NSD2: variants seen among roughly 807,000 people sequenced by gnomAD.
NSD2 encodes nuclear receptor binding SET domain protein 2.
In NSD2, 12 loss-of-function variants were observed where a neutral mutation model predicts 139.0. That is an observed-to-expected ratio of 0.09 (90% CI 0.06 to 0.14). The LOEUF (loss-of-function observed/expected upper bound fraction) is 0.14. NSD2 is among the 10% of genes least tolerant of loss of function. The pLI, the probability that NSD2 is intolerant of heterozygous loss-of-function variation, is 1.00. For synonymous variants in NSD2, 669 were observed against 648.7 expected (o/e 1.03, Z -0.48); for missense variants, 1,155 against 1,745.0 (o/e 0.66, Z 6.02).
At chr4:1,937,915 T>G (rs1017484831) in intron 7 of NSD2, among the ~76,000 whole-genome samples, 8 of 152,228 alleles carry the variant, frequency 5.3e-5, no homozygotes, top group Admixed American at 5.2e-4. Flanking sequence ...CTGATGATCT[T>G]TGTTCATTAG....
intron 21 of NSD2, among the ~76,000 whole-genome samples, chr4:1,977,169 C>T (rs1727174018): frequency 6.6e-6 from 1 of 152,228 alleles, no homozygotes; most frequent in Admixed American, 6.5e-5. Context: ...TGCTGTGCAC[C>T]AGGAGGCTCC....
At chr4:1,975,266 A>G in intron 19 of NSD2, 28 bp from the exon 20 acceptor site, 1 of 1,607,990 alleles carries the variant, frequency 6.2e-7, no homozygotes, top group Non-Finnish European at 8.5e-7. Flanking sequence ...GGTGTTTCCA[A>G]TTTGGTGTCT....
chr4:1,969,375 G>A (rs917496426), intron 18 of NSD2, among the ~76,000 whole-genome samples: 4 of 152,186 alleles, frequency 2.6e-5, no homozygotes, highest in Non-Finnish European at 5.9e-5. Flanking sequence ...CAAGAAATCC[G>A]ACTTCTTCAG....
intron 1 of NSD2, among the ~76,000 whole-genome samples, chr4:1,898,031 T>C (rs746594142): frequency 9.2e-5 from 14 of 152,144 alleles, no homozygotes; most frequent in Non-Finnish European, 1.6e-4. Flanking sequence ...CCCTCCTCCT[T>C]CTGGGTGGAA....
At chr4:1,912,735 A>AT (rs1718846370) in intron 3 of NSD2, among the ~76,000 whole-genome samples, 1 of 152,034 alleles carries the variant, frequency 6.6e-6, no homozygotes, top group Admixed American at 6.6e-5. Context: ...TTTGTAAAAA[A>AT]GTTGTTTTCT....
At chr4:1,957,047 C>T (rs928725218) in intron 15 of NSD2, among the ~76,000 whole-genome samples, 65 of 152,182 alleles carry the variant, frequency 4.3e-4, no homozygotes, top group Admixed American at 2.0e-4. Context: ...CTGCGACTGT[C>T]GGCAAAGTCT....
At position 1,938,441 on chromosome 4, in the gene NSD2, T is replaced by TA. The variant is rs747548214; in HGVS notation, c.1675-7dup. 50 of 1,091,128 alleles carry TA rather than the reference T, an allele frequency of 4.6e-5. No individual in the cohort carries two copies. Among genetic ancestry groups the TA allele is most frequent in the East Asian group, 5.4e-5 (2 of 36,902 alleles). The allele number at this position is 1,091,128 out of a possible 1,614,324, so 67.6% of individuals were successfully genotyped here. ...CTTTTTTTTTTTTTTTTTTTTTTTT[T>TA]AAATAATAGAGAGACACAATCACTG... On this transcript the variant is annotated splice_polypyrimidine_tract_variant and intron_variant, in intron 7 of 21. Coordinates refer to ENST00000508803, the MANE Select transcript of NSD2 (RefSeq NM_001042424.3).
chr4:1,946,433 AT>A (rs963154089), intron 9 of NSD2: 595 of 493,296 alleles, frequency 1.2e-3, no homozygotes, highest in Non-Finnish European at 1.4e-3. Context: ...ACACCTGGCT[AT>A]TTTTTTTTGT....
At chr4:1,939,844 A>G (rs917131160) in intron 9 of NSD2, 66 bp downstream of exon 9, 1 of 1,611,220 alleles carries the variant, frequency 6.2e-7, no homozygotes, top group Non-Finnish European at 8.5e-7. Flanking sequence ...CCCACGCTGC[A>G]GTGTGAGTAA....
intron 1 of NSD2, among the ~76,000 whole-genome samples, chr4:1,879,211 T>G (rs1003723435): frequency 4.0e-5 from 6 of 151,778 alleles, no homozygotes; most frequent in African/African-American, 1.2e-4. Flanking sequence ...TTAAAATTAT[T>G]TTATTTTATT....
intron 5 of NSD2, among the ~76,000 whole-genome samples, chr4:1,927,988 G>A (rs933229672): frequency 1.9e-4 from 29 of 151,984 alleles, no homozygotes; most frequent in Non-Finnish European, 2.9e-5. Flanking sequence ...CTCCAAGGCT[G>A]CAGTGATGCT....
chr4:1,918,759 A>G, intron 5 of NSD2, 136 bp downstream of exon 5: 3 of 1,248,550 alleles, frequency 2.4e-6, no homozygotes, highest in Non-Finnish European at 3.3e-6. Flanking sequence ...TCTAATAAAT[A>G]AGTATTAGGG....
In NSD2 at chr4:1,958,541, C is replaced by T. The variant is rs929224971; in HGVS notation, c.2985+505C>T. Among the ~76,000 whole-genome samples, 2 of 152,242 alleles carry T rather than the reference C, an allele frequency of 1.3e-5. No homozygotes were observed. The highest frequency in any genetic ancestry group is 3.9e-4 in the East Asian group (2 of 5,186). On this transcript the variant is annotated intron_variant, in intron 16 of 21. Coordinates refer to ENST00000508803, the MANE Select transcript of NSD2 (RefSeq NM_001042424.3). This position sits in a 1 kb window ranked among gnomAD's most constrained non-coding sequence, Gnocchi z 4.6. ...GGCAGGGCTCTGTGAGAGCTCCAGGCCCCTCAGGGCTGCCTGCGCTCAGAG... is the reference window on the plus strand; with the variant it reads ...GGCAGGGCTCTGTGAGAGCTCCAGGTCCCTCAGGGCTGCCTGCGCTCAGAG...
intron 1 of NSD2, among the ~76,000 whole-genome samples, chr4:1,881,408 G>A (rs937664302): frequency 2.0e-5 from 3 of 152,126 alleles, no homozygotes; most frequent in Non-Finnish European, 2.9e-5. Flanking sequence ...GACTACAGGC[G>A]CACGCTGCCA....
intron 3 of NSD2, among the ~76,000 whole-genome samples, chr4:1,909,540 C>G (rs1445317397): frequency 6.6e-6 from 1 of 152,058 alleles, no homozygotes; most frequent in Non-Finnish European, 1.5e-5. Flanking sequence ...TTTGGAAGGA[C>G]AGGGATGTGA....
At chr4:1,889,142 C>T (rs934869977) in intron 1 of NSD2, among the ~76,000 whole-genome samples, 13 of 152,096 alleles carry the variant, frequency 8.5e-5, no homozygotes, top group Admixed American at 5.9e-4. Flanking sequence ...AGGTGATCCA[C>T]CCGCTTTGGC....
Position 1,904,361 on chromosome 4 carries a change from G to A in NSD2, c.743G>A (p.Ser248Asn), listed in dbSNP as rs1235439143. The A allele has an allele frequency of 1.9e-6, 3 of 1,612,886 alleles. No individual in the cohort carries two copies. The highest frequency in any genetic ancestry group is 2.5e-6 in the Non-Finnish European group (3 of 1,179,424). The change falls in exon 3 of 22, where the codon AGC becomes AAC. Residue 248 changes from serine (S) to asparagine (N), a missense_variant. Ser to Asn is a conservative substitution (Grantham distance 46). This residue lies in a region of NSD2 where 34 missense variants were observed against 75.2 expected (regional missense o/e 0.45). Coordinates refer to ENST00000508803, the MANE Select transcript of NSD2 (RefSeq NM_001042424.3). ...GTTTCTGCAGATCCACTCCTTCACA[G>A]CTATACCAAACTTAAAGGTATTGTG... ...CMVSADPLLHSYTKLKGQKKS... is the reference protein window; with the variant it reads ...CMVSADPLLHNYTKLKGQKKS...
intron 5 of NSD2, among the ~76,000 whole-genome samples, chr4:1,925,758 A>G (rs906260969): frequency 9.4e-5 from 14 of 148,262 alleles, no homozygotes; most frequent in Non-Finnish European, 1.8e-4. Flanking sequence ...TTCTTTTTAT[A>G]TATCTATATA....
chr4:1,977,400 C>T (rs865802803), intron 21 of NSD2, among the ~76,000 whole-genome samples: 16 of 152,358 alleles, frequency 1.1e-4, no homozygotes, highest in Middle Eastern at 3.4e-3. Context: ...ACCTCCGTTA[C>T]AATCTTGCAG....
Sources: gnomAD v4.1 joint callset for allele counts (sites outside exome capture counted in the v4.1 genomes callset) on GRCh38, gnomAD v4.1.1 for gene constraint, gnomAD v4.1.1 regional missense constraint, Gnocchi (gnomAD v3.1) non-coding constraint, MANE v1.5 for transcripts, NCBI Gene and HGNC (gene_info 2026-07-23, HGNC 2026-07-21) for gene names.